The following LARGE1 variants were observed in gnomAD, a reference collection of about 807,000 sequenced individuals.
LARGE1 encodes xylosyl- and glucuronyltransferase LARGE1.
A neutral mutation model predicts 87.6 loss-of-function variants in LARGE1; 43 were observed. That is an observed-to-expected ratio of 0.49 (90% CI 0.38 to 0.63). LARGE1 has a LOEUF of 0.63. Among genes scored for constraint, LARGE1 ranks in the 30% least tolerant of loss-of-function variants. The probability of loss-of-function intolerance (pLI) is 0.00; values close to 1 mark genes in which losing one functional copy is unlikely to be tolerated. For synonymous variants in LARGE1, 434 were observed against 394.6 expected (o/e 1.10, Z -1.18); for missense variants, 802 against 1,000.2 (o/e 0.80, Z 2.67).
chr22:33,406,699 A>G (rs1435118514), intron 7 of LARGE1, among the ~76,000 whole-genome samples: 1 of 152,150 alleles, frequency 6.6e-6, no homozygotes, highest in Non-Finnish European at 1.5e-5. Context: ...TGTGTGGAGG[A>G]GTGGAATTTG....
chr22:33,702,742 C>T (rs2082436724), intron 2 of LARGE1, among the ~76,000 whole-genome samples: 1 of 152,140 alleles, frequency 6.6e-6, no homozygotes, highest in Non-Finnish European at 1.5e-5. Flanking sequence ...CAGCTCCTGT[C>T]CCCAAGGACT....
At chr22:33,805,906 T>C (rs1261111695) in intron 1 of LARGE1, among the ~76,000 whole-genome samples, 1 of 152,186 alleles carries the variant, frequency 6.6e-6, no homozygotes, top group Admixed American at 6.5e-5. Context: ...CTTGCTACAT[T>C]TTATGATTAT....
intron 1 of LARGE1, among the ~76,000 whole-genome samples, chr22:33,833,955 G>A (rs1053304935): frequency 9.2e-5 from 14 of 152,196 alleles, no homozygotes; most frequent in African/African-American, 3.4e-4. Context: ...CCAAAGTACT[G>A]GGATTACGTG....
chr22:33,374,547 GC>G (rs982341194), intron 9 of LARGE1, among the ~76,000 whole-genome samples: 15 of 152,030 alleles, frequency 9.9e-5, no homozygotes, highest in Admixed American at 3.3e-4. Flanking sequence ...AAAATCTTTG[GC>G]AGGTTTCCAT....
intron 2 of LARGE1, among the ~76,000 whole-genome samples, chr22:33,718,287 C>T (rs1314870110): frequency 3.3e-5 from 5 of 152,168 alleles, no homozygotes; most frequent in Non-Finnish European, 5.9e-5. Flanking sequence ...CCATCAGGAC[C>T]TCAGCTGCTC....
At chr22:33,414,130 G>C (rs558383558) in intron 7 of LARGE1, among the ~76,000 whole-genome samples, 1 of 152,202 alleles carries the variant, frequency 6.6e-6, no homozygotes, top group South Asian at 2.1e-4. Context: ...GTTTTCCATA[G>C]TGGCCGCATC....
chr22:33,754,387 A>T (rs2145667362), intron 2 of LARGE1, among the ~76,000 whole-genome samples: 1 of 150,326 alleles, frequency 6.7e-6, no homozygotes, highest in Non-Finnish European at 1.5e-5. Context: ...CGCAGGCTGG[A>T]GTGCAGGGCG....
At chr22:33,760,052 A>G (rs2145718641) in intron 2 of LARGE1, among the ~76,000 whole-genome samples, 1 of 152,340 alleles carries the variant, frequency 6.6e-6, no homozygotes, top group South Asian at 2.1e-4. Flanking sequence ...CAAATCTCAG[A>G]AAGTGAAGTG....
At chr22:33,825,252 C>T (rs1049419982) in intron 1 of LARGE1, among the ~76,000 whole-genome samples, 2 of 152,088 alleles carry the variant, frequency 1.3e-5, no homozygotes, top group African/African-American at 4.8e-5. Context: ...TTGTTCATTT[C>T]AGAATACGGA....
At chr22:33,776,664 C>T (rs2085248706) in intron 1 of LARGE1, among the ~76,000 whole-genome samples, 1 of 152,188 alleles carries the variant, frequency 6.6e-6, no homozygotes. Flanking sequence ...TCTGCTTAAG[C>T]AAATACACAT....
At chr22:33,233,924 T>G (rs1926130899) in intron 11 of LARGE1, among the ~76,000 whole-genome samples, 2 of 152,210 alleles carry the variant, frequency 1.3e-5, no homozygotes, top group Non-Finnish European at 2.9e-5. Flanking sequence ...ATACTAATTG[T>G]GAAATATTTT....
the LARGE1 span, among the ~76,000 whole-genome samples, chr22:33,122,419 C>T: frequency 2.7e-5 from 4 of 147,242 alleles, no homozygotes; most frequent in East Asian, 4.0e-4. Context: ...AGTGCAATGG[C>T]GCTATCTCGG....
intron 10 of LARGE1, among the ~76,000 whole-genome samples, chr22:33,333,543 C>G (rs1416864410): frequency 6.6e-6 from 1 of 152,176 alleles, no homozygotes; most frequent in Non-Finnish European, 1.5e-5. Flanking sequence ...ACATGAACTT[C>G]CAGCATGTTC....
chr22:33,700,788 T>G (rs752424872), intron 2 of LARGE1, among the ~76,000 whole-genome samples: 3 of 152,158 alleles, frequency 2.0e-5, no homozygotes, highest in Non-Finnish European at 2.9e-5. Context: ...CAGGGAAGTG[T>G]GAAAGCAATT....
chr22:33,771,820 T>C (rs971112654), intron 1 of LARGE1, among the ~76,000 whole-genome samples: 3 of 152,206 alleles, frequency 2.0e-5, no homozygotes, highest in Non-Finnish European at 4.4e-5. Flanking sequence ...ATTTACTCCA[T>C]TGCTCAAGCC....
At chr22:33,690,909 C>T (rs772275914) in intron 2 of LARGE1, among the ~76,000 whole-genome samples, 26 of 152,276 alleles carry the variant, frequency 1.7e-4, no homozygotes, top group Non-Finnish European at 2.5e-4. Flanking sequence ...TCATAAAGTA[C>T]CGCTGAACTA....
intron 6 of LARGE1, among the ~76,000 whole-genome samples, chr22:33,437,290 T>C (rs1161730792): frequency 6.6e-6 from 1 of 152,208 alleles, no homozygotes; most frequent in Non-Finnish European, 1.5e-5. Context: ...TAGTCTCCAA[T>C]GCCATACTTC....
intron 6 of LARGE1, among the ~76,000 whole-genome samples, chr22:33,442,847 C>T (rs1236079796): frequency 6.7e-6 from 1 of 150,144 alleles, no homozygotes; most frequent in Non-Finnish European, 1.5e-5. Context: ...GGCTGGAGTG[C>T]AGTGGCACTA....
At chr22:33,266,207 TGA>T in intron 11 of LARGE1, among the ~76,000 whole-genome samples, 1 of 149,398 alleles carries the variant, frequency 6.7e-6, no homozygotes, top group Admixed American at 6.7e-5. Flanking sequence ...GGCCTAGGTC[TGA>T]TTTTCAGGGC....
Sources: allele counts gnomAD v4.1 joint callset (sites outside exome capture counted in the v4.1 genomes callset), GRCh38; gene constraint gnomAD v4.1.1; transcripts MANE v1.5; gene names NCBI Gene and HGNC (gene_info 2026-07-23, HGNC 2026-07-21).